The following CLSTN2 variants were observed in gnomAD, a reference collection of about 807,000 sequenced individuals.
CLSTN2 encodes calsyntenin-2.
In CLSTN2, 48 loss-of-function variants were observed where a neutral mutation model predicts 101.2. The ratio of observed to expected loss-of-function variants is 0.47; its 90% confidence interval spans 0.38 to 0.60. The LOEUF (loss-of-function observed/expected upper bound fraction) is 0.60, where lower values mean the gene tolerates loss of function less well. Ranked by LOEUF, CLSTN2 falls within the 20% of genes least tolerant of loss-of-function variation. CLSTN2 has a pLI of 0.00. For synonymous variants in CLSTN2, 481 were observed against 463.6 expected, an observed-to-expected ratio of 1.04 and a Z score of -0.48; for missense variants, 1,160 against 1,238.2, an observed-to-expected ratio of 0.94 and a Z score of 0.95.
Position 140,385,578 on chromosome 3 carries a change from C to T in CLSTN2, c.233-18051C>T, listed in dbSNP as rs182638073. The stretch of plus-strand genomic sequence containing the variant: ...ATTTTTAGTAGAGACGGGGTTTCAC[C>T]GTGTTATCCAGGATGGTCTTGATCT... On this transcript the variant is annotated intron_variant, in intron 2 of 16. Coordinates refer to ENST00000458420, the MANE Select transcript of CLSTN2 (RefSeq NM_022131.3). Among the ~76,000 whole-genome samples, 212 of 151,846 alleles carry T rather than the reference C, an allele frequency of 1.4e-3. 1 individual carries two copies. The highest frequency in any genetic ancestry group is 4.7e-3 in the African/African-American group (196 of 41,380).
intron 2 of CLSTN2, among the ~76,000 whole-genome samples, chr3:140,374,145 C>G (rs893023744): frequency 2.0e-5 from 3 of 152,244 alleles, no homozygotes; most frequent in African/African-American, 7.2e-5. Flanking sequence ...GCATATTCCA[C>G]AAACTCCTTC....
At chr3:140,404,826 G>A in intron 4 of CLSTN2, 60 bp downstream of exon 4, 1 of 1,407,912 alleles carries the variant, frequency 7.1e-7, no homozygotes, top group Non-Finnish European at 1.0e-6. Context: ...CCTCCACTCT[G>A]AAGACCCAAC....
intron 2 of CLSTN2, among the ~76,000 whole-genome samples, chr3:140,220,343 G>A (rs1238836779): frequency 6.6e-6 from 1 of 152,190 alleles, no homozygotes; most frequent in African/African-American, 2.4e-5. Flanking sequence ...TAATGCTGGT[G>A]GGGGCAGAGA....
At chr3:139,980,778 A>G (rs1307292154) in intron 1 of CLSTN2, among the ~76,000 whole-genome samples, 2 of 152,076 alleles carry the variant, frequency 1.3e-5, no homozygotes, top group Non-Finnish European at 2.9e-5. Context: ...GAATGTCTCA[A>G]TGAAAGGATT....
intron 9 of CLSTN2, among the ~76,000 whole-genome samples, chr3:140,540,988 C>A (rs1173484683): frequency 1.3e-5 from 2 of 152,226 alleles, no homozygotes; most frequent in African/African-American, 4.8e-5. Flanking sequence ...TGTATTCCAG[C>A]AACCTTAACA....
intron 5 of CLSTN2, among the ~76,000 whole-genome samples, chr3:140,434,200 C>T (rs139645901): frequency 2.5e-4 from 38 of 152,310 alleles, no homozygotes; most frequent in African/African-American, 8.9e-4. Context: ...ACATCTACCT[C>T]CCAGAGATCC....
chr3:140,480,843 T>C (rs1934100239), intron 8 of CLSTN2, among the ~76,000 whole-genome samples: 2 of 152,234 alleles, frequency 1.3e-5, no homozygotes, highest in Admixed American at 1.3e-4. Context: ...ATTGTGGATA[T>C]TAGCCCTTTG....
chr3:140,373,778 G>A (rs10212107), intron 2 of CLSTN2, among the ~76,000 whole-genome samples: 145,383 of 152,256 alleles, frequency 0.95, 69,764 homozygotes, highest in East Asian at 1. Flanking sequence ...TGGAGAGCAA[G>A]GTGAAGCCTA....
intron 2 of CLSTN2, among the ~76,000 whole-genome samples, chr3:140,224,915 G>A (rs2086305232): frequency 6.6e-6 from 1 of 152,200 alleles, no homozygotes; most frequent in South Asian, 2.1e-4. Context: ...AATATAAGAA[G>A]AAATACCAGG....
chr3:140,456,655 C>T lies in CLSTN2; in HGVS notation c.974-2866C>T, dbSNP rs1047658854. On this transcript the variant is annotated intron_variant, in intron 6 of 16. Transcript: ENST00000458420. ...TACAAAAATTAGCCAGACATAGTGG[C>T]GCATGCCTGTAATCCCAGCTACTCA... is the stretch of plus-strand genomic sequence containing the variant. Among the ~76,000 whole-genome samples the T allele has an allele frequency of 3.9e-5, 6 of 152,038 alleles. No individual in the cohort carries two copies. The South Asian group carries it at 6.2e-4, about 16-fold the overall frequency.
intron 8 of CLSTN2, among the ~76,000 whole-genome samples, chr3:140,520,683 C>A (rs910761511): frequency 1.3e-5 from 2 of 152,170 alleles, no homozygotes; most frequent in Non-Finnish European, 2.9e-5. Flanking sequence ...GGGTTCTCTG[C>A]AGTTCCTGAA....
intron 2 of CLSTN2, among the ~76,000 whole-genome samples, chr3:140,370,315 G>A (rs1197311709): frequency 6.6e-6 from 1 of 152,204 alleles, no homozygotes. Context: ...GTCTTGTTAA[G>A]GTCAATAGTC....
chr3:140,254,236 CAAG>C (rs961343378), intron 2 of CLSTN2, among the ~76,000 whole-genome samples: 1 of 151,990 alleles, frequency 6.6e-6, no homozygotes, highest in Admixed American at 6.5e-5. Context: ...TTGCTTCCTG[CAAG>C]AAGAAAAAAT....
intron 8 of CLSTN2, among the ~76,000 whole-genome samples, chr3:140,479,933 C>T (rs1047129225): frequency 1.3e-4 from 19 of 151,708 alleles, no homozygotes; most frequent in African/African-American, 1.9e-4. Flanking sequence ...TGTTGATGAC[C>T]GAAAATAAAG....
In CLSTN2 at chr3:140,496,009, T is replaced by C. The variant is rs1211837553; in HGVS notation, c.1344+29278T>C. On this transcript the variant is annotated intron_variant, in intron 8 of 16. Transcript: ENST00000458420. ...CTTCAAATTCCATGAAGAATGTCAA[T>C]AGTAGTTTCATGGGAATAGCATTGA... 2.6e-5 allele frequency among the ~76,000 whole-genome samples: 4 copies of C among 152,198 alleles called. No individual in the cohort carries two copies. In the East Asian group the frequency reaches 7.7e-4, roughly 29 times the overall value.
chr3:140,226,169 A>G (rs933125086), intron 2 of CLSTN2, among the ~76,000 whole-genome samples: 8 of 152,194 alleles, frequency 5.3e-5, no homozygotes, highest in Non-Finnish European at 8.8e-5. Context: ...CATTCTTAAA[A>G]TAACCACAGA....
chr3:140,159,556 A>T (rs915657410), intron 1 of CLSTN2, among the ~76,000 whole-genome samples: 9 of 152,190 alleles, frequency 5.9e-5, no homozygotes, highest in African/African-American at 2.2e-4. Flanking sequence ...ATGCTTTTAC[A>T]TTGTTGGTGG....
intron 1 of CLSTN2, among the ~76,000 whole-genome samples, chr3:140,021,078 C>T (rs1359130735): frequency 2.0e-5 from 3 of 152,158 alleles, no homozygotes; most frequent in Non-Finnish European, 4.4e-5. Flanking sequence ...ATAACTTTTA[C>T]GATGTGGGAC....
At chr3:140,179,405 C>T (rs938235535) in intron 2 of CLSTN2, among the ~76,000 whole-genome samples, 7 of 149,914 alleles carry the variant, frequency 4.7e-5, no homozygotes, top group African/African-American at 1.5e-4. Context: ...ATTGCTTGAG[C>T]CCAGGAGTTT....
Sources: allele counts gnomAD v4.1 joint callset (sites outside exome capture counted in the v4.1 genomes callset), GRCh38; gene constraint gnomAD v4.1.1; transcripts MANE v1.5; gene names NCBI Gene and HGNC (gene_info 2026-07-23, HGNC 2026-07-21).